Variants in VMA12 observed in about 807,000 individuals in gnomAD.
The protein encoded by VMA12 is vacuolar ATPase assembly protein VMA12.
the VMA12 span, chr17:28,360,962 T>A: frequency 1.0e-6 from 1 of 970,100 alleles, no homozygotes; most frequent in Non-Finnish European, 1.6e-6. Context: ...TTTATGCCAT[T>A]AATAAGGGGA....
At chr17:28,357,828 G>C in the VMA12 span, 2 of 1,613,986 alleles carry the variant, frequency 1.2e-6, no homozygotes, top group African/African-American at 2.7e-5. Context: ...GGCCCCCAAC[G>C]CTTGGTTTCT....
chr17:28,360,886 G>T, the VMA12 span: 1 of 1,533,332 alleles, frequency 6.5e-7, no homozygotes. Flanking sequence ...CCCCTGGTGG[G>T]GGTGTTAGTG....
chr17:28,359,596 A>T, the VMA12 span: 1 of 494,652 alleles, frequency 2.0e-6, no homozygotes, highest in Non-Finnish European at 3.5e-6. Context: ...ATGGTGACCA[A>T]GTTTTAAACG....
chr17:28,357,764 G>T, the VMA12 span: 1 of 1,613,536 alleles, frequency 6.2e-7, no homozygotes, highest in Non-Finnish European at 8.5e-7. Context: ...AAAGCTGCGG[G>T]CCGAGCTTGA....
the VMA12 span, chr17:28,360,552 C>G: frequency 1.2e-6 from 2 of 1,614,074 alleles, no homozygotes; most frequent in African/African-American, 2.7e-5. Context: ...GTGGGACTCT[C>G]AGCGACCTGG....
chr17:28,361,362 C>G, the VMA12 span: 1 of 986,116 alleles, frequency 1.0e-6, no homozygotes, highest in Non-Finnish European at 1.6e-6. Context: ...TCCAGTTAGT[C>G]AGAAGACCAG....
chr17:28,362,230 C>T, the VMA12 span: 5 of 150,810 alleles, frequency 3.3e-5, no homozygotes, highest in African/African-American at 1.2e-4. Context: ...AAATTATATA[C>T]TCATTCACTC....
At chr17:28,361,876 T>C in the VMA12 span, 2 of 153,256 alleles carry the variant, frequency 1.3e-5, no homozygotes, top group Non-Finnish European at 2.9e-5. Flanking sequence ...GACAGACTCA[T>C]AGAGATTAAA....
the VMA12 span, chr17:28,357,895 T>G: frequency 9.9e-6 from 16 of 1,613,236 alleles, no homozygotes; most frequent in Non-Finnish European, 1.0e-5. Context: ...AGCCCCAGTC[T>G]CCAGTCCGGG....
chr17:28,359,373 A>G, the VMA12 span: 1 of 1,614,144 alleles, frequency 6.2e-7, no homozygotes. Flanking sequence ...AATGAGGAAT[A>G]TAAACGGATC....
At chr17:28,360,095 G>C in the VMA12 span, 1 of 162,352 alleles carries the variant, frequency 6.2e-6, no homozygotes. Context: ...AGCCTCCCAA[G>C]TAGCTGGGAT....
chr17:28,358,903 C>T, the VMA12 span: 2 of 1,604,398 alleles, frequency 1.2e-6, no homozygotes, highest in Non-Finnish European at 1.7e-6. Flanking sequence ...TTTGTGAAAC[C>T]TTTTCTTCTC....
At chr17:28,360,510 T>A in the VMA12 span, 4,254 of 1,613,510 alleles carry the variant, frequency 2.6e-3, 34 homozygotes, top group Non-Finnish European at 2.7e-3. Context: ...CTGAATCATC[T>A]TCTTTTTCTT....
At chr17:28,361,518 T>C in the VMA12 span, 3 of 437,634 alleles carry the variant, frequency 6.9e-6, no homozygotes, top group South Asian at 4.8e-5. Flanking sequence ...CTGGTACCCA[T>C]CTGCCTTCTC....
chr17:28,361,297 G>A, the VMA12 span: 1 of 1,579,758 alleles, frequency 6.3e-7, no homozygotes, highest in Non-Finnish European at 8.7e-7. Context: ...GGGGGCTTCA[G>A]GCTCCAATTG....
At chr17:28,358,431 T>C in the VMA12 span, 5 of 472,180 alleles carry the variant, frequency 1.1e-5, no homozygotes, top group African/African-American at 2.0e-5. Context: ...AGTTCCCTTA[T>C]GTGTAAAGGG....
chr17:28,358,686 A>G, the VMA12 span, among the ~76,000 whole-genome samples: 1 of 152,340 alleles, frequency 6.6e-6, no homozygotes, highest in South Asian at 2.1e-4. Context: ...GTTAGTTATA[A>G]CACTGGCAGG....
chr17:28,360,467 C>A, the VMA12 span: 1 of 1,497,024 alleles, frequency 6.7e-7, no homozygotes, highest in Non-Finnish European at 9.3e-7. Context: ...CTGAGCCAGA[C>A]TGTCAATGGA....
At chr17:28,359,055 A>G in the VMA12 span, 1 of 1,409,534 alleles carries the variant, frequency 7.1e-7, no homozygotes, top group South Asian at 1.3e-5. Flanking sequence ...GATACACTGA[A>G]CTTATAAATC....
Sources: gnomAD v4.1 joint callset for allele counts (sites outside exome capture counted in the v4.1 genomes callset) on GRCh38, gnomAD v4.1.1 for gene constraint, MANE v1.5 for transcripts, NCBI Gene and HGNC (gene_info 2026-07-23, HGNC 2026-07-21) for gene names.